The following ACTN1 variants were observed in gnomAD, a reference collection of about 807,000 sequenced individuals.
ACTN1 encodes alpha-actinin-1.
Under a neutral mutation model 119.6 loss-of-function variants are expected in ACTN1, and 30 were observed. The ratio of observed to expected loss-of-function variants is 0.25; its 90% CI spans 0.19 to 0.34. The LOEUF (loss-of-function observed/expected upper bound fraction) is 0.34, where lower values mean the gene tolerates loss of function less well. ACTN1 is among the 10% of genes least tolerant of loss of function. The pLI, the probability that ACTN1 is intolerant of heterozygous loss-of-function variation, is 1.00. For missense variants in ACTN1, 764 were observed against 1,223.4 expected (o/e 0.62, Z 5.60); for synonymous variants, 429 against 472.6 (o/e 0.91, Z 1.20).
intron 2 of ACTN1, among the ~76,000 whole-genome samples, chr14:68,924,937 C>T (rs1031310967): frequency 7.2e-5 from 11 of 152,082 alleles, no homozygotes; most frequent in African/African-American, 1.9e-4. Context: ...GGGGTGGAGA[C>T]GCCCAGCGAG....
rs17106500 is a variant in ACTN1 at position 68,890,458 on chromosome 14, G to T, written c.1087-172C>A. 0.086 allele frequency among the ~76,000 whole-genome samples: 13,058 copies of T among 152,146 alleles called. 781 individuals are homozygous for T. The highest frequency in any genetic ancestry group is 0.17 in the African/African-American group (7,104 of 41,486). On this transcript the variant is annotated intron_variant, in intron 10 of 21. Coordinates refer to ENST00000394419, the MANE Select transcript of ACTN1 (RefSeq NM_001130004.2). ...CCCACCATACCTCCCATCTCCCACTGGTATTTTCTGGGCTCCCAGGAGCCA... is the reference window on the plus strand; with the variant it reads ...CCCACCATACCTCCCATCTCCCACTTGTATTTTCTGGGCTCCCAGGAGCCA...
At chr14:68,947,223 G>A (rs911098360) in intron 1 of ACTN1, 2 of 152,202 alleles carry the variant, frequency 1.3e-5, no homozygotes, top group African/African-American at 4.8e-5. Context: ...CCTATAATCA[G>A]GCAAGTTTGG....
intron 1 of ACTN1, among the ~76,000 whole-genome samples, chr14:68,952,416 C>G (rs2036199314): frequency 6.6e-6 from 1 of 152,256 alleles, no homozygotes; most frequent in African/African-American, 2.4e-5. Flanking sequence ...CAAAGTCCAG[C>G]TGCTGGAGGC....
chr14:68,881,118 G>T, intron 16 of ACTN1, 129 bp from the exon 17 acceptor site: 1 of 823,210 alleles, frequency 1.2e-6, no homozygotes, highest in Non-Finnish European at 1.9e-6. Context: ...CCCTAAGGAG[G>T]CCATCACTGG....
intron 1 of ACTN1, among the ~76,000 whole-genome samples, chr14:68,970,212 G>C (rs75937271): frequency 0.14 from 20,784 of 151,774 alleles, 1,631 homozygotes; most frequent in African/African-American, 0.2. Flanking sequence ...ACTGCTCTTT[G>C]GCCTGGAGCT....
Position 68,880,706 on chromosome 14 carries a change from TTATCCTCCAAC to T in ACTN1, c.2133+93_2133+103del. 8.1e-7 allele frequency: 1 copy of T among 1,240,304 alleles called. No individual in the cohort carries two copies. The highest frequency in any genetic ancestry group is 1.1e-6 in the Non-Finnish European group (1 of 883,206). The allele number at this position is 1,240,304 out of a possible 1,614,324, so 76.8% of individuals were successfully genotyped here. On this transcript the variant is annotated intron_variant, in intron 17 of 21. Coordinates refer to ENST00000394419, the MANE Select transcript of ACTN1 (RefSeq NM_001130004.2). The surrounding 1 kb of genome is among the most constrained non-coding windows in gnomAD (Gnocchi z 4.6). ...GTGAGGCTTCAGGGGTGAAGTTAAT[TTATCCTCCAAC>T]TATGACCTGTTCCCTTGGAGACTTC...
chr14:68,939,111 G>A (rs2035670858), intron 1 of ACTN1, among the ~76,000 whole-genome samples: 1 of 152,146 alleles, frequency 6.6e-6, no homozygotes, highest in Admixed American at 6.5e-5. Flanking sequence ...TGCCATCCAA[G>A]GCCCCCCAGA....
chr14:68,939,087 T>C (rs1217759431), intron 1 of ACTN1, among the ~76,000 whole-genome samples: 1 of 152,236 alleles, frequency 6.6e-6, no homozygotes, highest in Non-Finnish European at 1.5e-5. Context: ...CATGAGACTC[T>C]GATCTGGCCT....
chr14:68,880,787 G>C lies in ACTN1; in HGVS notation c.2133+23C>G. 1 of 1,610,292 alleles carries C rather than the reference G, an allele frequency of 6.2e-7. No homozygotes were observed. The highest frequency in any genetic ancestry group is 8.5e-7 in the Non-Finnish European group (1 of 1,177,048). On this transcript the variant is annotated intron_variant, in intron 17 of 21. Coordinates refer to ENST00000394419, the MANE Select transcript of ACTN1 (RefSeq NM_001130004.2). The surrounding 1 kb of genome is among the most constrained non-coding windows in gnomAD (Gnocchi z 4.6). Reference sequence around the variant, plus strand: ...AGAAGGGGCCACGGGCTCCCGAAGAGGAACAAGGCCAGCCCCACCCACCTC... The same window carrying C: ...AGAAGGGGCCACGGGCTCCCGAAGACGAACAAGGCCAGCCCCACCCACCTC...
At chr14:68,916,660 G>T (rs1342381284) in intron 3 of ACTN1, among the ~76,000 whole-genome samples, 1 of 152,162 alleles carries the variant, frequency 6.6e-6, no homozygotes, top group Non-Finnish European at 1.5e-5. Context: ...TCATCTCTCA[G>T]GCAGCTTTAT....
chr14:68,977,809 C>A (rs994234508), intron 1 of ACTN1: 29 of 368,510 alleles, frequency 7.9e-5, no homozygotes, highest in Middle Eastern at 8.8e-4. Context: ...GTCCCCCCCC[C>A]ACCCAAAACC....
At chr14:68,910,658 CCCT>C (rs2033952334) in intron 4 of ACTN1, among the ~76,000 whole-genome samples, 1 of 144,736 alleles carries the variant, frequency 6.9e-6, no homozygotes, top group African/African-American at 2.5e-5. Flanking sequence ...CACACTACCC[CCCT>C]GCTAGGTTTG....
intron 1 of ACTN1, among the ~76,000 whole-genome samples, chr14:68,967,453 C>T (rs530739987): frequency 4.6e-5 from 7 of 152,188 alleles, no homozygotes; most frequent in Non-Finnish European, 1.0e-4. Flanking sequence ...TCCTGAAAGT[C>T]CATTACTAGG....
Position 68,882,732 on chromosome 14 carries a change from C to T in ACTN1, c.1819-140G>A, listed in dbSNP as rs2031666096. The T allele has an allele frequency of 6.6e-7, 1 of 1,507,420 alleles. No individual in the cohort carries two copies. The highest frequency in any genetic ancestry group is 9.0e-7 in the Non-Finnish European group (1 of 1,110,052). The allele number at this position is 1,507,420 out of a possible 1,614,324, so 93.4% of individuals were successfully genotyped here. On this transcript the variant is annotated intron_variant, in intron 15 of 21. Transcript: ENST00000394419. This position sits in a 1 kb window ranked among gnomAD's most constrained non-coding sequence, Gnocchi z 4.5. Reference sequence around the variant, plus strand: ...AAAGGTGTCAACCTGTTCTGGAAACCCAGTCATTTGACATTTGGACAAACA... The same window carrying T: ...AAAGGTGTCAACCTGTTCTGGAAACTCAGTCATTTGACATTTGGACAAACA...
chr14:68,890,377 C>A (rs1485785669), intron 10 of ACTN1, 91 bp from the exon 11 acceptor site: 1 of 1,466,728 alleles, frequency 6.8e-7, no homozygotes, highest in Non-Finnish European at 9.2e-7. Flanking sequence ...TGCCCCATGC[C>A]TTCCAGGAAG....
Position 68,885,322 on chromosome 14 carries a change from CA to C in ACTN1, c.1385+102del. 5 of 1,413,744 alleles carry C rather than the reference CA, an allele frequency of 3.5e-6. No individual in the cohort carries two copies. Among genetic ancestry groups the C allele is most frequent in the Non-Finnish European group, 3.8e-6 (4 of 1,066,180 alleles). The allele number at this position is 1,413,744 out of a possible 1,614,324, so 87.6% of individuals were successfully genotyped here. On this transcript the variant is annotated intron_variant, in intron 12 of 21. Transcript: ENST00000394419. This position sits in a 1 kb window ranked among gnomAD's most constrained non-coding sequence, Gnocchi z 5.6. ...CCCCACCTGGGCACCCACCTGTACC[CA>C]CCCTCCCCATCTTCCACGGCCACAC...
At chr14:68,933,154 C>G (rs1467599078) in intron 1 of ACTN1, among the ~76,000 whole-genome samples, 2 of 149,604 alleles carry the variant, frequency 1.3e-5, no homozygotes, top group Non-Finnish European at 2.9e-5. Context: ...TTATTATTTG[C>G]GATGTATCTC....
At chr14:68,903,160 C>A (rs1285796605) in intron 7 of ACTN1, among the ~76,000 whole-genome samples, 1 of 152,216 alleles carries the variant, frequency 6.6e-6, no homozygotes, top group Non-Finnish European at 1.5e-5. Context: ...CAAAGTGTGG[C>A]AAGACCTCAG....
Position 68,909,175 on chromosome 14 carries a change from A to G in ACTN1, c.594+143T>C. The stretch of plus-strand genomic sequence containing the variant: ...GGGAAGGTGTTTTCTCTTCACTTTC[A>G]GTTGGGGCTCTGTCTGGCTATTCTA... On this transcript the variant is annotated intron_variant, in intron 6 of 21. Transcript: ENST00000394419. The surrounding 1 kb of genome is among the most constrained non-coding windows in gnomAD (Gnocchi z 4.1). 1.3e-6 allele frequency: 1 copy of G among 753,122 alleles called. No individual in the cohort carries two copies. 46.7% of individuals were successfully genotyped at this position (753,122 alleles called of 1,614,324 possible).
Sources: allele counts gnomAD v4.1 joint callset (sites outside exome capture counted in the v4.1 genomes callset), GRCh38; gene constraint gnomAD v4.1.1; non-coding constraint Gnocchi (gnomAD v3.1); transcripts MANE v1.5; gene names NCBI Gene and HGNC (gene_info 2026-07-23, HGNC 2026-07-21).